Variants in ATF6B observed in about 807,000 individuals in gnomAD.
ATF6B encodes cyclic AMP-dependent transcription factor ATF-6 beta.
A neutral mutation model predicts 83.5 loss-of-function variants in ATF6B; 50 were observed. The observed-to-expected ratio is 0.60, with a 90% confidence interval of 0.48 to 0.76. ATF6B has a LOEUF of 0.76. Ranked by LOEUF, ATF6B falls within the 30% of genes least tolerant of loss-of-function variation. ATF6B has a pLI of 0.00. For missense variants in ATF6B, 790 were observed against 893.8 expected (o/e 0.88, Z 1.48); for synonymous variants, 344 against 362.8 (o/e 0.95, Z 0.59).
At position 32,119,383 on chromosome 6, in the gene ATF6B, T is replaced by C. The variant is rs1386375003; in HGVS notation, c.967-242A>G. 6.6e-6 allele frequency among the ~76,000 whole-genome samples: 1 copy of C among 152,200 alleles called. No homozygotes were observed. Among genetic ancestry groups the C allele is most frequent in the East Asian group, 1.9e-4 (1 of 5,194 alleles). ...GGAAAGGTTAGAGTGTGGGAAGAAC[T>C]TTCTCCATGCTGGTGGAAACTCTTT... On this transcript the variant is annotated intron_variant, in intron 9 of 17. Transcript: ENST00000375203. The surrounding 1 kb of genome is among the most constrained non-coding windows in gnomAD (Gnocchi z 4.9).
In ATF6B at chr6:32,126,170, G is replaced by C; in HGVS notation, c.425C>G (p.Ser142Cys). The change falls in exon 5 of 18, where the codon TCC becomes TGC. Residue 142 changes from serine (S) to cysteine (C), a missense_variant. Ser to Cys is a moderately radical substitution (Grantham distance 112). Coordinates refer to ENST00000375203, the MANE Select transcript of ATF6B (RefSeq NM_004381.5). ...GTTGATCTGGACGGTTTCAAATGAG[G>C]ATGTTGGGTCATCTCCCAGGAGACA... ...PLCLLGDDPTSSFETVQINVI... is the reference protein window; with the variant it reads ...PLCLLGDDPTCSFETVQINVI... 1 of 1,614,206 alleles carries C rather than the reference G, an allele frequency of 6.2e-7. No homozygotes were observed. Among genetic ancestry groups the C allele is most frequent in the Non-Finnish European group, 8.5e-7 (1 of 1,180,042 alleles).
chr6:32,121,163 G>A, intron 6 of ATF6B, 39 bp from the exon 7 acceptor site: 2 of 1,609,396 alleles, frequency 1.2e-6, no homozygotes, highest in East Asian at 2.2e-5. Flanking sequence ...GTCAGGAAGA[G>A]TGTCGAGGAG....
rs542518888 is a variant in ATF6B at position 32,116,774 on chromosome 6, C to T, written c.1727G>A (p.Arg576His). The change falls in exon 16 of 18, where the codon CGT becomes CAT. Residue 576 changes from arginine to histidine, a missense_variant. This residue lies in a region of ATF6B where 530 missense variants were observed against 632.6 expected (regional missense o/e 0.84). Coordinates refer to ENST00000375203, the MANE Select transcript of ATF6B (RefSeq NM_004381.5). This position sits in a 1 kb window ranked among gnomAD's most constrained non-coding sequence, Gnocchi z 5.1. ...TGCATCCAAGAATGCTGGCTGCGAA[C>T]GGTCTGGGTGGCGATATAGTTGCAG... is the stretch of plus-strand genomic sequence containing the variant. The part of the protein sequence containing the change: ...GQLQLYRHPD[R>H]SQPAFLDAID... The T allele has an allele frequency of 4.9e-5, 79 of 1,614,074 alleles. No individual in the cohort carries two copies. Among genetic ancestry groups the T allele is most frequent in the South Asian group, 4.1e-4 (37 of 91,068 alleles).
In ATF6B at chr6:32,119,704, G is replaced by A. The variant is rs1283999730; in HGVS notation, c.966+120C>T. ...ACCCTCAGAATGATCTAATGGGTCC[G>A]TTTCCTCACTTTTTTCTCCTAGGTA... is the stretch of plus-strand genomic sequence containing the variant. On this transcript the variant is annotated intron_variant, in intron 9 of 17. Coordinates refer to ENST00000375203, the MANE Select transcript of ATF6B (RefSeq NM_004381.5). This position sits in a 1 kb window ranked among gnomAD's most constrained non-coding sequence, Gnocchi z 4.9. 1.9e-5 allele frequency: 27 copies of A among 1,425,396 alleles called. No individual in the cohort carries two copies. The highest frequency in any genetic ancestry group is 9.5e-5 in the South Asian group (7 of 73,374). The allele number at this position is 1,425,396 out of a possible 1,614,324, so 88.3% of individuals were successfully genotyped here. A position where few individuals can be genotyped will look rare whatever the true frequency, so the allele number is the denominator to read the frequency against.
intron 8 of ATF6B, 193 bp downstream of exon 8, chr6:32,120,578 G>A (rs1163631335): frequency 1.8e-6 from 1 of 556,004 alleles, no homozygotes; most frequent in Non-Finnish European, 2.9e-6. Flanking sequence ...AGCCTCCCGA[G>A]GAGCTGGGAT....
rs1040202474 is a variant in ATF6B, at chr6:32,119,325, T to G, written c.967-184A>C. On this transcript the variant is annotated intron_variant, in intron 9 of 17. Coordinates refer to ENST00000375203, the MANE Select transcript of ATF6B (RefSeq NM_004381.5). This position sits in a 1 kb window ranked among gnomAD's most constrained non-coding sequence, Gnocchi z 4.9. The stretch of plus-strand genomic sequence containing the variant: ...ACACGCTAGGGAAGGGGCCCTTCTT[T>G]CAAACATTCCCTGCTACTGCTCCTC... Among the ~76,000 whole-genome samples, 11 of 152,208 alleles carry G rather than the reference T, an allele frequency of 7.2e-5. No homozygotes were observed. The highest frequency in any genetic ancestry group is 2.2e-4 in the African/African-American group (9 of 41,442).
chr6:32,117,535 G>C lies in ATF6B; in HGVS notation c.1532+52C>G. ...ACACAGGCCAGCCAGGCTGACTGCA[G>C]AAGGCCTTGGGAGGCCGGGGGAGCT... On this transcript the variant is annotated intron_variant, in intron 13 of 17. Transcript: ENST00000375203. The surrounding 1 kb of genome is among the most constrained non-coding windows in gnomAD (Gnocchi z 5.0). 6.3e-7 allele frequency: 1 copy of C among 1,599,684 alleles called. No homozygotes were observed. The highest frequency in any genetic ancestry group is 8.5e-7 in the Non-Finnish European group (1 of 1,169,702).
At chr6:32,122,220 T>C (rs1002892200) in intron 5 of ATF6B, among the ~76,000 whole-genome samples, 1 of 152,192 alleles carries the variant, frequency 6.6e-6, no homozygotes, top group African/African-American at 2.4e-5. Context: ...TGAGGCTTCC[T>C]GATTGCCCCG....
chr6:32,117,932 C>A lies in ATF6B; in HGVS notation c.1351G>T (p.Val451Phe). 4 of 1,610,692 alleles carry A rather than the reference C, an allele frequency of 2.5e-6. No homozygotes were observed. Among genetic ancestry groups the A allele is most frequent in the Non-Finnish European group, 3.4e-6 (4 of 1,178,396 alleles). ...GFSEQEPVQG[V>F]EPLQGSSQGP... ...TGGGAGGACCCCTGGAGAGGTTCAA[C>A]TCCCTGAACTGGCTCTTGCTCTGAG... The change falls in exon 12 of 18, where the codon GTT becomes TTT. Residue 451 changes from valine (V) to phenylalanine (F), a missense_variant. Val to Phe is a conservative substitution (Grantham distance 50, BLOSUM62 -1). Coordinates refer to ENST00000375203, the MANE Select transcript of ATF6B (RefSeq NM_004381.5). This position sits in a 1 kb window ranked among gnomAD's most constrained non-coding sequence, Gnocchi z 5.0.
Position 32,118,463 on chromosome 6 carries a change from G to A in ATF6B, c.1244+312C>T, listed in dbSNP as rs1781619796. Among the ~76,000 whole-genome samples the A allele has an allele frequency of 6.6e-6, 1 of 152,222 alleles. No individual in the cohort carries two copies. Among genetic ancestry groups the A allele is most frequent in the Non-Finnish European group, 1.5e-5 (1 of 68,036 alleles). On this transcript the variant is annotated intron_variant, in intron 11 of 17. Transcript: ENST00000375203. The surrounding 1 kb of genome is among the most constrained non-coding windows in gnomAD (Gnocchi z 5.2). ...TACAAAAAATTAGCCGGGCATGGTG[G>A]CGTGCGCCTGTAGTCCCAGCTACTT...
chr6:32,123,993 C>T (rs1383996813), intron 5 of ATF6B, among the ~76,000 whole-genome samples: 1 of 152,106 alleles, frequency 6.6e-6, no homozygotes, highest in Non-Finnish European at 1.5e-5. Context: ...CACCTGAGGT[C>T]GGGAATTCAA....
rs1185260882 is a variant in ATF6B at position 32,120,632 on chromosome 6, G to A, written c.832+139C>T. 3.0e-5 allele frequency: 32 copies of A among 1,070,442 alleles called. No homozygotes were observed. The Admixed American group carries it at 1.0e-3, about 35-fold the overall frequency. 66.3% of individuals were successfully genotyped at this position (1,070,442 alleles called of 1,614,324 possible). ...CTCCACGCTAATTTTTGTATTTTTA[G>A]TAGAGACAAGGTTTCACCACGTTGG... On this transcript the variant is annotated intron_variant, in intron 8 of 17. Transcript: ENST00000375203.
chr6:32,117,425 A>C lies in ATF6B; in HGVS notation c.1533-21T>G, dbSNP rs754430386. ...CAAGCCTGGGGAAATGGAGGAGCTC[A>C]GGACCTCCATGCCAGGCCAAGATTC... On this transcript the variant is annotated intron_variant, in intron 13 of 17. Coordinates refer to ENST00000375203, the MANE Select transcript of ATF6B (RefSeq NM_004381.5). The surrounding 1 kb of genome is among the most constrained non-coding windows in gnomAD (Gnocchi z 5.0). The C allele has an allele frequency of 6.2e-7, 1 of 1,613,240 alleles. No homozygotes were observed. Among genetic ancestry groups the C allele is most frequent in the South Asian group, 1.1e-5 (1 of 90,982 alleles).
At chr6:32,120,642 G>A (rs748863778) in intron 8 of ATF6B, 129 bp downstream of exon 8, 14 of 1,186,810 alleles carry the variant, frequency 1.2e-5, no homozygotes, top group Admixed American at 2.8e-5. Flanking sequence ...GTAGAGACAA[G>A]GTTTCACCAC....
At chr6:32,121,835 C>G (rs563347561) in intron 5 of ATF6B, among the ~76,000 whole-genome samples, 5 of 152,208 alleles carry the variant, frequency 3.3e-5, no homozygotes, top group Admixed American at 3.3e-4. Flanking sequence ...GCTGGCTCTC[C>G]GCCCCGCTTT....
At chr6:32,127,328 G>A (rs1782024416) in intron 3 of ATF6B, 114 bp downstream of exon 3, 1 of 1,359,346 alleles carries the variant, frequency 7.4e-7, no homozygotes, top group Non-Finnish European at 1.0e-6. Flanking sequence ...TTGAAGGAGA[G>A]AGGATAGGCA....
rs1781912971 is a variant in ATF6B at position 32,125,004 on chromosome 6, AT to A, written c.478+1112del. On this transcript the variant is annotated intron_variant, in intron 5 of 17. Coordinates refer to ENST00000375203, the MANE Select transcript of ATF6B (RefSeq NM_004381.5). This position sits in a 1 kb window ranked among gnomAD's most constrained non-coding sequence, Gnocchi z 4.1. The stretch of plus-strand genomic sequence containing the variant: ...CTGGGACTACAGGCTAATTTTTTGT[AT>A]TTTTAGTAGACACGGGGTTTCACCA... Among the ~76,000 whole-genome samples the A allele has an allele frequency of 2.0e-5, 3 of 151,794 alleles. No individual in the cohort carries two copies. Among genetic ancestry groups the A allele is most frequent in the South Asian group, 4.2e-4 (2 of 4,800 alleles).
intron 4 of ATF6B, 131 bp downstream of exon 4, chr6:32,126,972 G>GC: frequency 1.5e-6 from 1 of 646,064 alleles, no homozygotes; most frequent in Non-Finnish European, 2.3e-6. Context: ...AGTGGAGAAG[G>GC]CCCCCCACAC....
rs1781973473 is a variant in ATF6B, at chr6:32,126,196, C to T, written c.399G>A (p.Leu133=). 1 of 1,614,060 alleles carries T rather than the reference C, an allele frequency of 6.2e-7. No individual in the cohort carries two copies. Among genetic ancestry groups the T allele is most frequent in the African/African-American group, 1.3e-5 (1 of 74,906 alleles). ...HVKTESLAPP[L]CLLGDDPTSS... Reference sequence around the variant, plus strand: ...ATGTTGGGTCATCTCCCAGGAGACACAGTGGGGGTGCCAAGGACTCTGTCT... The same window carrying T: ...ATGTTGGGTCATCTCCCAGGAGACATAGTGGGGGTGCCAAGGACTCTGTCT... The change falls in exon 5 of 18, where the codon CTG becomes CTA. Residue 133 remains leucine, a synonymous_variant. Coordinates refer to ENST00000375203, the MANE Select transcript of ATF6B (RefSeq NM_004381.5).
Sources: gnomAD v4.1 joint callset for allele counts (sites outside exome capture counted in the v4.1 genomes callset) on GRCh38, gnomAD v4.1.1 for gene constraint, gnomAD v4.1.1 regional missense constraint, Gnocchi (gnomAD v3.1) non-coding constraint, MANE v1.5 for transcripts, NCBI Gene and HGNC (gene_info 2026-07-23, HGNC 2026-07-21) for gene names.